The following UNC13C variants were observed in gnomAD, a reference collection of about 807,000 sequenced individuals.
The protein encoded by UNC13C is unc-13 homolog C.
A neutral mutation model predicts 245.4 loss-of-function variants in UNC13C; 174 were observed. The observed-to-expected ratio is 0.71, with a 90% CI of 0.63 to 0.80. The LOEUF is 0.80. Ranked by LOEUF, UNC13C falls within the 30% of genes least tolerant of loss-of-function variation. The pLI is 0.00. For synonymous variants in UNC13C, 992 were observed against 895.1 expected, an observed-to-expected ratio of 1.11 and a Z score of -1.93; for missense variants, 2,829 against 2,602.9, an observed-to-expected ratio of 1.09 and a Z score of -1.89.
intron 13 of UNC13C, among the ~76,000 whole-genome samples, chr15:54,310,078 A>G (rs2037829205): frequency 6.6e-6 from 1 of 151,664 alleles, no homozygotes; most frequent in East Asian, 2.0e-4. Flanking sequence ...AGAGATTGCA[A>G]CAGTACTTTT....
chr15:54,319,383 G>GT lies in UNC13C; in HGVS notation c.4269-2553dup, dbSNP rs1473748167. Reference sequence around the variant, plus strand: ...TATTTTTTGTTAAATAAATAATATTGTTTGTGGATTCTTAATACATATTAA... The same window carrying GT: ...TATTTTTTGTTAAATAAATAATATTGTTTTGTGGATTCTTAATACATATTAA... On this transcript the variant is annotated intron_variant, in intron 13 of 32. Transcript: ENST00000260323. Among the ~76,000 whole-genome samples the GT allele has an allele frequency of 1.0e-4, 15 of 149,722 alleles. No homozygotes were observed. The Admixed American group carries it at 1.0e-3, about 10-fold the overall frequency.
chr15:53,939,130 C>G, the UNC13C span, among the ~76,000 whole-genome samples: 1 of 151,724 alleles, frequency 6.6e-6, no homozygotes, highest in Admixed American at 6.6e-5. Context: ...AAGAATCAAA[C>G]AGATACAATC....
intron 7 of UNC13C, among the ~76,000 whole-genome samples, chr15:54,245,251 A>G (rs868840228): frequency 1.7e-4 from 26 of 152,204 alleles, no homozygotes; most frequent in African/African-American, 6.3e-4. Context: ...TTTATAGTGC[A>G]TAAAATCTAT....
chr15:54,387,181 C>G (rs113003566), intron 17 of UNC13C, among the ~76,000 whole-genome samples: 1 of 152,156 alleles, frequency 6.6e-6, no homozygotes, highest in African/African-American at 2.4e-5. Context: ...ATTAGAGCAA[C>G]AGAGTACAGG....
the UNC13C span, among the ~76,000 whole-genome samples, chr15:53,891,952 G>T: frequency 2.0e-4 from 30 of 152,222 alleles, no homozygotes; most frequent in Admixed American, 2.0e-3. Context: ...TTTCTTCGTA[G>T]TGTTGATGTT....
At chr15:54,150,216 A>G (rs1184654639) in intron 4 of UNC13C, among the ~76,000 whole-genome samples, 1 of 152,236 alleles carries the variant, frequency 6.6e-6, no homozygotes, top group Non-Finnish European at 1.5e-5. Flanking sequence ...CTTATCCTCC[A>G]ACTTGATTTC....
At chr15:54,346,504 C>T (rs531640787) in intron 17 of UNC13C, among the ~76,000 whole-genome samples, 2 of 152,176 alleles carry the variant, frequency 1.3e-5, no homozygotes, top group Non-Finnish European at 2.9e-5. Flanking sequence ...AATTCCAGCA[C>T]TATTAGACAC....
chr15:53,910,822 C>G, the UNC13C span: 3 of 146,762 alleles, frequency 2.0e-5, no homozygotes, highest in African/African-American at 7.3e-5. Context: ...TACGGCCCCC[C>G]GAGTGTTCTT....
chr15:54,592,414 T>C (rs982437185), intron 30 of UNC13C, among the ~76,000 whole-genome samples: 1 of 152,214 alleles, frequency 6.6e-6, no homozygotes, highest in African/African-American at 2.4e-5. Context: ...CCCACTATTA[T>C]TGTGTTGCTG....
In UNC13C at chr15:54,004,801, T is replaced by C. The variant is rs372015469; in HGVS notation, c.-256-7847T>C. Among the ~76,000 whole-genome samples, 44 of 152,340 alleles carry C rather than the reference T, an allele frequency of 2.9e-4. No homozygotes were observed. The East Asian group carries it at 8.1e-3, about 28-fold the overall frequency. ...CATATGCCCATTTTCCGTTTGTATA[T>C]ATTCTTTTGATAAATGTCTATTCAA... On this transcript the variant is annotated intron_variant, in intron 1 of 32. Coordinates refer to ENST00000260323, the MANE Select transcript of UNC13C (RefSeq NM_001080534.3).
intron 4 of UNC13C, among the ~76,000 whole-genome samples, chr15:54,150,093 C>G (rs1275631695): frequency 6.6e-6 from 1 of 152,154 alleles, no homozygotes; most frequent in Admixed American, 6.5e-5. Flanking sequence ...ATTCCTATTT[C>G]TCTCTCTTTT....
At position 54,555,617 on chromosome 15, in the gene UNC13C, A is replaced by G. The variant is rs532874341; in HGVS notation, c.5958+105A>G. 2.0e-3 allele frequency: 1,607 copies of G among 820,412 alleles called. 5 individuals carry two copies. Among genetic ancestry groups the G allele is most frequent in the Non-Finnish European group, 2.5e-3 (1,295 of 511,350 alleles). 50.8% of individuals were successfully genotyped at this position (820,412 alleles called of 1,614,324 possible). On this transcript the variant is annotated intron_variant, in intron 29 of 32. Coordinates refer to ENST00000260323, the MANE Select transcript of UNC13C (RefSeq NM_001080534.3). ...ATGTATCAGTAGAGCTGCGCCATTC[A>G]AAGAGATAGTAGATAGTTGAATAGA...
At position 54,280,681 on chromosome 15, in the gene UNC13C, T is replaced by C. The variant is rs553370659; in HGVS notation, c.3819-13214T>C. 1.7e-4 allele frequency among the ~76,000 whole-genome samples: 14 copies of C among 81,324 alleles called. No homozygotes were observed. The South Asian group carries it at 4.9e-3, about 29-fold the overall frequency. The allele number at this position is 81,324 out of a possible 152,430, so 53.4% of individuals were successfully genotyped here. ...ATGTATATACATACATATACATATA[T>C]ACATATATAAACATATGTATACATA... On this transcript the variant is annotated intron_variant, in intron 10 of 32. Transcript: ENST00000260323.
intron 14 of UNC13C, among the ~76,000 whole-genome samples, chr15:54,328,081 C>T (rs1465254871): frequency 6.6e-6 from 1 of 152,078 alleles, no homozygotes; most frequent in African/African-American, 2.4e-5. Context: ...GTGTCTTGAT[C>T]AGTGAACAAT....
At chr15:53,885,114 G>A in the UNC13C span, among the ~76,000 whole-genome samples, 1 of 152,234 alleles carries the variant, frequency 6.6e-6, no homozygotes, top group Non-Finnish European at 1.5e-5. Context: ...ATTTCAGGAA[G>A]CAATGTGACA....
Position 54,052,361 on chromosome 15 carries a change from A to G in UNC13C, c.2983+36475A>G, listed in dbSNP as rs369063882. Among the ~76,000 whole-genome samples, 97 of 146,280 alleles carry G rather than the reference A, an allele frequency of 6.6e-4. 1 individual carries two copies. The East Asian group carries it at 0.013, about 20-fold the overall frequency. ...CACTGACTTCCACAATGGTTGAACTAGTTTACAGTCCCACCAACAGTGTAA... is the reference window on the plus strand; with the variant it reads ...CACTGACTTCCACAATGGTTGAACTGGTTTACAGTCCCACCAACAGTGTAA... On this transcript the variant is annotated intron_variant, in intron 2 of 32. Transcript: ENST00000260323.
rs139297243 is a variant in UNC13C at position 54,422,498 on chromosome 15, G to T, written c.4933+7431G>T. On this transcript the variant is annotated intron_variant, in intron 19 of 32. Transcript: ENST00000260323. ...CAAAATCCATTATTTTTACTATGGC[G>T]TATAATGTAGCATGTAGTCTGGGCT... 2.6e-3 allele frequency among the ~76,000 whole-genome samples: 390 copies of T among 152,024 alleles called. 3 individuals are homozygous for T. The highest frequency in any genetic ancestry group is 3.8e-3 in the Non-Finnish European group (258 of 67,946).
chr15:54,441,383 A>G (rs967612989), intron 19 of UNC13C, among the ~76,000 whole-genome samples: 1 of 152,086 alleles, frequency 6.6e-6, no homozygotes, highest in Non-Finnish European at 1.5e-5. Flanking sequence ...GTTCTTCTAC[A>G]TATAGATGTC....
chr15:53,863,154 G>C, the UNC13C span, among the ~76,000 whole-genome samples: 2,617 of 152,226 alleles, frequency 0.017, 52 homozygotes, highest in East Asian at 0.08. Context: ...ACTGCAAATG[G>C]AGAAACCAGA....
Sources: allele counts gnomAD v4.1 joint callset (sites outside exome capture counted in the v4.1 genomes callset), GRCh38; gene constraint gnomAD v4.1.1; transcripts MANE v1.5; gene names NCBI Gene and HGNC (gene_info 2026-07-23, HGNC 2026-07-21).